The following FBLN2 variants were observed in gnomAD, a reference collection of about 807,000 sequenced individuals.
FBLN2 encodes fibulin-2.
A neutral mutation model predicts 123.7 loss-of-function variants in FBLN2; 81 were observed. That is an observed-to-expected ratio of 0.65 (90% CI 0.55 to 0.79). FBLN2 has a LOEUF of 0.79. FBLN2 is among the 30% of genes least tolerant of loss of function. The pLI is 0.00. For synonymous variants in FBLN2, 699 were observed against 701.4 expected (o/e 1.00, Z 0.05); for missense variants, 1,603 against 1,681.3 (o/e 0.95, Z 0.81).
chr3:13,622,724 G>A (rs549361688), intron 9 of FBLN2, among the ~76,000 whole-genome samples: 13 of 152,346 alleles, frequency 8.5e-5, no homozygotes, highest in South Asian at 2.1e-4. Context: ...TGCTCTGTGC[G>A]TACATGTCTG....
chr3:13,603,290 A>T (rs1425073225), intron 2 of FBLN2, among the ~76,000 whole-genome samples: 3 of 148,908 alleles, frequency 2.0e-5, no homozygotes, highest in Non-Finnish European at 3.0e-5. Flanking sequence ...CATAATGTGC[A>T]GGTTTGTTAC....
At chr3:13,563,463 G>A (rs1703664017) in intron 1 of FBLN2, among the ~76,000 whole-genome samples, 1 of 152,210 alleles carries the variant, frequency 6.6e-6, no homozygotes, top group Non-Finnish European at 1.5e-5. Context: ...TGCACCCGGG[G>A]TGCCCCCCAC....
chr3:13,597,123 A>T (rs1449753695), intron 2 of FBLN2, among the ~76,000 whole-genome samples: 1 of 151,960 alleles, frequency 6.6e-6, no homozygotes, highest in Non-Finnish European at 1.5e-5. Flanking sequence ...GTAGAGATGG[A>T]GTCTGGCTGT....
chr3:13,637,587 GA>G lies in FBLN2; in HGVS notation c.3365del (p.Asp1122AlafsTer45). 1 of 1,611,190 alleles carries G rather than the reference GA, an allele frequency of 6.2e-7. No homozygotes were observed. The highest frequency in any genetic ancestry group is 8.5e-7 in the Non-Finnish European group (1 of 1,177,944). ...KTKCERTTCHDFLECQNSPAR... is the reference protein window; with the variant it reads ...KTKCERTTCHXFLECQNSPAR... ...GAAGTGCGAGCGCACCACGTGCCAT[GA>G]CTTCCTGGAGTGCCAGAACTCGCCA... On this transcript the variant is annotated frameshift_variant, in exon 18 of 18. Coordinates refer to ENST00000404922, the MANE Select transcript of FBLN2 (RefSeq NM_001004019.2). LOFTEE classifies it high-confidence loss of function.
chr3:13,623,650 T>G (rs1348912539), intron 9 of FBLN2, among the ~76,000 whole-genome samples: 1 of 152,228 alleles, frequency 6.6e-6, no homozygotes, highest in African/African-American at 2.4e-5. Flanking sequence ...GCGAGGCTTA[T>G]GCTAGGATCA....
intron 1 of FBLN2, among the ~76,000 whole-genome samples, chr3:13,550,624 GGTGT>G: frequency 6.6e-6 from 1 of 152,316 alleles, no homozygotes; most frequent in East Asian, 1.9e-4. Context: ...ATTGGGAGCT[GGTGT>G]GTGTTTGTGG....
chr3:13,591,636 T>C (rs1704678601), intron 2 of FBLN2, among the ~76,000 whole-genome samples: 1 of 152,202 alleles, frequency 6.6e-6, no homozygotes, highest in Non-Finnish European at 1.5e-5. Flanking sequence ...CTTTGCACCA[T>C]TACCACTCCG....
rs1272353040 is a variant in FBLN2, at chr3:13,549,183, A to G, written c.-67A>G. On this transcript the variant is annotated 5_prime_UTR_variant, in exon 1 of 18. Coordinates refer to ENST00000404922, the MANE Select transcript of FBLN2 (RefSeq NM_001004019.2). ...CGCCGACGGCCGGGCGGACGGACGG[A>G]CGGACGCCGAGCGCAGTGCCCCGCG... is the stretch of plus-strand genomic sequence containing the variant. The G allele has an allele frequency of 6.1e-6, 6 of 982,922 alleles. No individual in the cohort carries two copies. Among genetic ancestry groups the G allele is most frequent in the Non-Finnish European group, 7.2e-6 (6 of 829,106 alleles). The allele number at this position is 982,922 out of a possible 1,614,324, so 60.9% of individuals were successfully genotyped here.
intron 4 of FBLN2, among the ~76,000 whole-genome samples, chr3:13,610,045 C>G (rs1461661840): frequency 6.6e-6 from 1 of 152,158 alleles, no homozygotes; most frequent in Non-Finnish European, 1.5e-5. Flanking sequence ...TAAGTAGTGT[C>G]AGGGCTGGGG....
At chr3:13,573,685 C>T (rs1378004360) in intron 2 of FBLN2, among the ~76,000 whole-genome samples, 1 of 152,092 alleles carries the variant, frequency 6.6e-6, no homozygotes, top group East Asian at 1.9e-4. Context: ...GGGTGGGTCA[C>T]CAGAGGTCAG....
intron 2 of FBLN2, among the ~76,000 whole-genome samples, chr3:13,589,068 GCA>G (rs1424847497): frequency 6.6e-6 from 1 of 152,206 alleles, no homozygotes; most frequent in Non-Finnish European, 1.5e-5. Flanking sequence ...AAGGGACAGT[GCA>G]CACTTTTAGT....
intron 8 of FBLN2, 45 bp downstream of exon 8, chr3:13,619,876 G>A: frequency 1.3e-6 from 2 of 1,508,732 alleles, no homozygotes; most frequent in East Asian, 2.3e-5. Context: ...ACCTGAGTTG[G>A]CCTGTGATGG....
chr3:13,562,538 A>G (rs1027255160), intron 1 of FBLN2, among the ~76,000 whole-genome samples: 5 of 151,892 alleles, frequency 3.3e-5, no homozygotes, highest in Non-Finnish European at 7.4e-5. Context: ...TGTATTTTTA[A>G]TAGAGATGGC....
At chr3:13,602,496 G>A (rs1224313963) in intron 2 of FBLN2, among the ~76,000 whole-genome samples, 4 of 152,186 alleles carry the variant, frequency 2.6e-5, no homozygotes, top group Non-Finnish European at 5.9e-5. Context: ...TCGCATTGAA[G>A]TTGTAGAGTA....
intron 8 of FBLN2, among the ~76,000 whole-genome samples, chr3:13,621,057 C>T (rs1295992761): frequency 1.3e-5 from 2 of 152,236 alleles, no homozygotes; most frequent in Non-Finnish European, 2.9e-5. Flanking sequence ...TTGGGCCCAG[C>T]CCTGTGAGGC....
intron 1 of FBLN2, among the ~76,000 whole-genome samples, chr3:13,556,842 TGAGGCTATTCAG>T (rs1449142225): frequency 6.6e-6 from 1 of 152,178 alleles, no homozygotes; most frequent in Non-Finnish European, 1.5e-5. Context: ...TGTCTGTGTC[TGAGGCTATTCAG>T]GAGACGTAGG....
intron 1 of FBLN2, among the ~76,000 whole-genome samples, chr3:13,557,931 G>T (rs975269945): frequency 2.6e-5 from 4 of 152,222 alleles, no homozygotes; most frequent in African/African-American, 9.6e-5. Flanking sequence ...TGTCTCCCTT[G>T]GCTTTGGCAG....
intron 2 of FBLN2, among the ~76,000 whole-genome samples, chr3:13,576,196 A>T (rs1704135045): frequency 6.6e-6 from 1 of 152,192 alleles, no homozygotes; most frequent in African/African-American, 2.4e-5. Flanking sequence ...GGAAAACAGG[A>T]TCCAAGCTGG....
At chr3:13,612,168 G>A (rs1266942613) in intron 4 of FBLN2, among the ~76,000 whole-genome samples, 2 of 152,122 alleles carry the variant, frequency 1.3e-5, no homozygotes, top group African/African-American at 4.8e-5. Flanking sequence ...TAGTATTAGT[G>A]AGAGGACCCT....
Sources: gnomAD v4.1 joint callset for allele counts (sites outside exome capture counted in the v4.1 genomes callset) on GRCh38, gnomAD v4.1.1 for gene constraint, MANE v1.5 for transcripts, NCBI Gene and HGNC (gene_info 2026-07-23, HGNC 2026-07-21) for gene names.